Variants in SDK1 observed in about 807,000 individuals in gnomAD.
SDK1 encodes protein sidekick-1.
In SDK1, 157 loss-of-function variants were observed where a neutral mutation model predicts 245.5. That is an observed-to-expected ratio of 0.64 (90% CI 0.56 to 0.73). The LOEUF (loss-of-function observed/expected upper bound fraction) is 0.73, where lower values mean the gene tolerates loss of function less well. SDK1 is among the 30% of genes least tolerant of loss of function. The pLI is 0.00. For synonymous variants in SDK1, 1,647 were observed against 1,278.5 expected, an observed-to-expected ratio of 1.29 and a Z score of -6.15; for missense variants, 3,583 against 3,002.3, an observed-to-expected ratio of 1.19 and a Z score of -4.52.
intron 31 of SDK1, among the ~76,000 whole-genome samples, chr7:4,159,296 C>T (rs1264154684): frequency 6.6e-6 from 1 of 152,226 alleles, no homozygotes; most frequent in African/African-American, 2.4e-5. Context: ...CACTTCTGCT[C>T]TCTCGATGAC....
chr7:4,178,693 C>T, intron 35 of SDK1, 107 bp downstream of exon 35: 1 of 760,046 alleles, frequency 1.3e-6, no homozygotes, highest in Non-Finnish European at 2.3e-6. Context: ...CGTTCTTTCT[C>T]CTTGAACACA....
At chr7:3,455,695 C>T (rs1264507650) in intron 1 of SDK1, among the ~76,000 whole-genome samples, 1 of 152,008 alleles carries the variant, frequency 6.6e-6, no homozygotes, top group Admixed American at 6.6e-5. Flanking sequence ...TATGGTAGGC[C>T]TTAGTATTGG....
chr7:3,352,123 T>C lies in SDK1; in HGVS notation c.298+50239T>C, dbSNP rs1348789512. ...AGTATATTTCTTATAATGTATAATA[T>C]ATAATTTTATAAATATATAAATATA... On this transcript the variant is annotated intron_variant, in intron 1 of 44. Coordinates refer to ENST00000404826, the MANE Select transcript of SDK1 (RefSeq NM_152744.4). 4.0e-5 allele frequency among the ~76,000 whole-genome samples: 6 copies of C among 149,122 alleles called. No homozygotes were observed. The South Asian group carries it at 8.4e-4, about 21-fold the overall frequency.
intron 1 of SDK1, among the ~76,000 whole-genome samples, chr7:3,599,090 C>CTTTTTT (rs58431507): frequency 2.5e-5 from 2 of 80,492 alleles, no homozygotes; most frequent in Non-Finnish European, 5.0e-5. Context: ...ACTAATCCAC[C>CTTTTTT]TTTTTTTTTT....
chr7:3,689,740 T>G (rs948971920), intron 4 of SDK1, among the ~76,000 whole-genome samples: 6 of 152,338 alleles, frequency 3.9e-5, no homozygotes, highest in Middle Eastern at 3.4e-3. Flanking sequence ...GCTCCGTTCC[T>G]ACTACAGAGG....
chr7:3,550,157 C>T (rs538336670), intron 1 of SDK1, among the ~76,000 whole-genome samples: 2 of 152,134 alleles, frequency 1.3e-5, no homozygotes, highest in Non-Finnish European at 2.9e-5. Flanking sequence ...TCAATATATG[C>T]ATATCTCAAA....
chr7:4,083,697 C>T (rs1781227704), intron 22 of SDK1, among the ~76,000 whole-genome samples: 1 of 151,738 alleles, frequency 6.6e-6, no homozygotes, highest in Non-Finnish European at 1.5e-5. Context: ...TTCTTCCCTC[C>T]CTCCTTTACT....
chr7:4,125,888 A>C (rs755897155), intron 25 of SDK1, among the ~76,000 whole-genome samples: 4 of 152,138 alleles, frequency 2.6e-5, no homozygotes, highest in African/African-American at 9.7e-5. Flanking sequence ...AAGTGGGACA[A>C]CTGAGGCACA....
chr7:3,573,948 A>C (rs1348187187), intron 1 of SDK1, among the ~76,000 whole-genome samples: 1 of 152,060 alleles, frequency 6.6e-6, no homozygotes, highest in Non-Finnish European at 1.5e-5. Flanking sequence ...ACATGCATTT[A>C]CTGAATGCTT....
At chr7:3,934,848 G>T (rs2128118843) in intron 5 of SDK1, among the ~76,000 whole-genome samples, 1 of 152,326 alleles carries the variant, frequency 6.6e-6, no homozygotes, top group Non-Finnish European at 1.5e-5. Context: ...AAAGGACACA[G>T]CATGGAAAGG....
intron 34 of SDK1, among the ~76,000 whole-genome samples, chr7:4,177,545 C>T (rs1322258171): frequency 6.6e-6 from 1 of 152,136 alleles, no homozygotes; most frequent in East Asian, 1.9e-4. Flanking sequence ...TTTTCAATGC[C>T]ACAGTCTTAC....
intron 4 of SDK1, among the ~76,000 whole-genome samples, chr7:3,761,930 A>T (rs1780117495): frequency 6.6e-6 from 1 of 152,222 alleles, no homozygotes; most frequent in Non-Finnish European, 1.5e-5. Flanking sequence ...CTTAGGCAAG[A>T]ATAAGCAAAT....
intron 5 of SDK1, among the ~76,000 whole-genome samples, chr7:3,939,409 A>AT (rs1228628427): frequency 3.9e-4 from 59 of 152,262 alleles, no homozygotes; most frequent in African/African-American, 1.4e-3. Context: ...GCCAGTACAG[A>AT]TTAAGAAGGT....
At chr7:3,855,020 G>T (rs1435963667) in intron 5 of SDK1, among the ~76,000 whole-genome samples, 1 of 152,086 alleles carries the variant, frequency 6.6e-6, no homozygotes, top group Non-Finnish European at 1.5e-5. Flanking sequence ...TCCTAATCCA[G>T]CCCTGCTGTG....
At chr7:4,235,873 G>A (rs190603712) in intron 41 of SDK1, among the ~76,000 whole-genome samples, 24 of 152,350 alleles carry the variant, frequency 1.6e-4, no homozygotes, top group East Asian at 7.7e-4. Context: ...GTCCTGCCCC[G>A]TATGAGAGTC....
At chr7:4,125,282 T>C (rs1270084096) in intron 25 of SDK1, among the ~76,000 whole-genome samples, 1 of 145,336 alleles carries the variant, frequency 6.9e-6, no homozygotes, top group East Asian at 2.1e-4. Context: ...GATGGATATG[T>C]AGATGGATAG....
chr7:4,000,849 C>T (rs191798667), intron 14 of SDK1, among the ~76,000 whole-genome samples: 1 of 152,300 alleles, frequency 6.6e-6, no homozygotes, highest in Non-Finnish European at 1.5e-5. Flanking sequence ...GCCTCCCATG[C>T]ATAGCATTTG....
chr7:3,788,623 G>A (rs528987494), intron 4 of SDK1, among the ~76,000 whole-genome samples: 1 of 152,178 alleles, frequency 6.6e-6, no homozygotes, highest in South Asian at 2.1e-4. Flanking sequence ...ATTGTCTTGG[G>A]CCCCACATAA....
chr7:4,260,641 G>A (rs1446719542), intron 44 of SDK1, among the ~76,000 whole-genome samples: 14 of 147,296 alleles, frequency 9.5e-5, no homozygotes, highest in Non-Finnish European at 1.8e-4. Context: ...TGGCTGCTCC[G>A]GGGTCTCTGG....
Sources: gnomAD v4.1 joint callset for allele counts (sites outside exome capture counted in the v4.1 genomes callset) on GRCh38, gnomAD v4.1.1 for gene constraint, MANE v1.5 for transcripts, NCBI Gene and HGNC (gene_info 2026-07-23, HGNC 2026-07-21) for gene names.